The following FAM120A variants were observed in gnomAD, a reference collection of about 807,000 sequenced individuals.
FAM120A encodes the protein constitutive coactivator of PPAR-gamma-like protein 1.
FAM120A carries 15 observed loss-of-function variants against 109.7 expected under a neutral mutation model. That is an observed-to-expected ratio of 0.14 (90% CI 0.09 to 0.21). The LOEUF is 0.21. Among genes scored for constraint, FAM120A ranks in the 10% least tolerant of loss-of-function variants. FAM120A has a pLI of 1.00. For synonymous variants in FAM120A, 493 were observed against 572.8 expected (o/e 0.86, Z 1.99); for missense variants, 899 against 1,439.3 (o/e 0.62, Z 6.07).
intron 10 of FAM120A, among the ~76,000 whole-genome samples, chr9:93,536,224 T>C (rs1004231926): frequency 2.6e-5 from 4 of 152,228 alleles, no homozygotes; most frequent in African/African-American, 9.6e-5. Context: ...ATTATTGGCG[T>C]ACTGGAAGAA....
chr9:93,472,921 T>C (rs1363867518), intron 2 of FAM120A, among the ~76,000 whole-genome samples: 1 of 152,192 alleles, frequency 6.6e-6, no homozygotes, highest in Non-Finnish European at 1.5e-5. Context: ...AAATGGGGAC[T>C]GGGCAGGGAA....
intron 1 of FAM120A, among the ~76,000 whole-genome samples, chr9:93,468,615 A>G (rs761346545): frequency 1.1e-4 from 17 of 152,124 alleles, no homozygotes; most frequent in Non-Finnish European, 2.1e-4. Context: ...AAAGTTTTAC[A>G]TAGTTGGGTA....
At chr9:93,457,267 G>A (rs991382459) in intron 1 of FAM120A, among the ~76,000 whole-genome samples, 2 of 152,140 alleles carry the variant, frequency 1.3e-5, no homozygotes, top group Non-Finnish European at 2.9e-5. Context: ...TCAGAAGTAG[G>A]ATTGCTGGGT....
chr9:93,547,942 T>A (rs10119086), intron 11 of FAM120A, among the ~76,000 whole-genome samples: 132,948 of 152,066 alleles, frequency 0.87, 58,178 homozygotes, highest in East Asian at 0.97. Context: ...CTAAACACTA[T>A]CTCTGTTATA....
chr9:93,510,670 G>A (rs1178726997), intron 5 of FAM120A, among the ~76,000 whole-genome samples: 2 of 151,912 alleles, frequency 1.3e-5, no homozygotes, highest in African/African-American at 4.8e-5. Context: ...TGTAGAAACA[G>A]TCTTGATGTG....
At chr9:93,474,908 C>T (rs528266913) in intron 2 of FAM120A, among the ~76,000 whole-genome samples, 4 of 152,190 alleles carry the variant, frequency 2.6e-5, no homozygotes, top group Non-Finnish European at 5.9e-5. Context: ...CTTCATTCTT[C>T]ACCGTGAAAT....
Position 93,556,553 on chromosome 9 carries a change from C to A in FAM120A, c.2446C>A (p.Arg816=), listed in dbSNP as rs759730206. The part of the protein sequence containing the change: ...LFQSKLLKAS[R]EKTPLIDLCD... ...CCAATCCAAACTCCTCAAAGCCAGCCGGGAAAAGACCCCACTCATTGACCT... is the reference window on the plus strand; with the variant it reads ...CCAATCCAAACTCCTCAAAGCCAGCAGGGAAAAGACCCCACTCATTGACCT... The change falls in exon 13 of 18, where the codon CGG becomes AGG. Residue 816 remains arginine (R), a synonymous_variant. Coordinates refer to ENST00000277165, the MANE Select transcript of FAM120A (RefSeq NM_014612.5). The A allele has an allele frequency of 1.9e-6, 3 of 1,614,138 alleles. No individual in the cohort carries two copies. Among genetic ancestry groups the A allele is most frequent in the Non-Finnish European group, 2.5e-6 (3 of 1,180,008 alleles).
rs770301501 is a variant in FAM120A, at chr9:93,514,911, C to A, written c.1031-756C>A. ...GCCTTCTGTCCCAGCTTCAGGCTGG[C>A]CTGGTTCCATGTCCTGCTGTCCTGC... On this transcript the variant is annotated intron_variant, in intron 5 of 17. Transcript: ENST00000277165. Among the ~76,000 whole-genome samples, 6 of 152,352 alleles carry A rather than the reference C, an allele frequency of 3.9e-5. No individual in the cohort carries two copies. In the East Asian group the frequency reaches 1.2e-3, roughly 29 times the overall value.
chr9:93,532,417 G>C lies in FAM120A; in HGVS notation c.1909+88G>C, dbSNP rs1434461293. On this transcript the variant is annotated intron_variant, in intron 10 of 17. Coordinates refer to ENST00000277165, the MANE Select transcript of FAM120A (RefSeq NM_014612.5). This position sits in a 1 kb window ranked among gnomAD's most constrained non-coding sequence, Gnocchi z 4.3. ...CTAAAGCCTTAGAAGAATCATGACT[G>C]AGTTGACCCCGAGTGCCTCTGTGTA... 2.2e-5 allele frequency: 33 copies of C among 1,484,292 alleles called. No individual in the cohort carries two copies. Among genetic ancestry groups the C allele is most frequent in the Non-Finnish European group, 3.0e-5 (32 of 1,065,226 alleles). The allele number at this position is 1,484,292 out of a possible 1,614,324, so 91.9% of individuals were successfully genotyped here.
Position 93,498,593 on chromosome 9 carries a change from T to C in FAM120A, c.934-197T>C, listed in dbSNP as rs1192352365. Reference sequence around the variant, plus strand: ...AGTTCTGCTCTTGTGACTACATTGCTTTAAAAGAATTCACGTTTGGTTTGA... The same window carrying C: ...AGTTCTGCTCTTGTGACTACATTGCCTTAAAAGAATTCACGTTTGGTTTGA... On this transcript the variant is annotated intron_variant, in intron 4 of 17. Transcript: ENST00000277165. This position sits in a 1 kb window ranked among gnomAD's most constrained non-coding sequence, Gnocchi z 4.4. Among the ~76,000 whole-genome samples the C allele has an allele frequency of 6.6e-6, 1 of 152,260 alleles. No individual in the cohort carries two copies. The highest frequency in any genetic ancestry group is 1.5e-5 in the Non-Finnish European group (1 of 68,042).
At chr9:93,558,821 C>T in intron 15 of FAM120A, 103 bp downstream of exon 15, 3 of 1,347,954 alleles carry the variant, frequency 2.2e-6, no homozygotes, top group Non-Finnish European at 3.0e-6. Context: ...GCCCCTCCTC[C>T]AGCAGAACGG....
Position 93,532,048 on chromosome 9 carries a change from G to A in FAM120A, c.1735-107G>A. 1 of 1,055,276 alleles carries A rather than the reference G, an allele frequency of 9.5e-7. No individual in the cohort carries two copies. The highest frequency in any genetic ancestry group is 1.4e-6 in the Non-Finnish European group (1 of 716,782). The allele number at this position is 1,055,276 out of a possible 1,614,324, so 65.4% of individuals were successfully genotyped here. ...AGTTGTTAAGCAGTTGATTTGGAAT[G>A]GAATTGCAATGTCATTAACTGGAGA... is the stretch of plus-strand genomic sequence containing the variant. On this transcript the variant is annotated intron_variant, in intron 9 of 17. Coordinates refer to ENST00000277165, the MANE Select transcript of FAM120A (RefSeq NM_014612.5). This position sits in a 1 kb window ranked among gnomAD's most constrained non-coding sequence, Gnocchi z 4.3.
At chr9:93,516,316 T>G (rs781164013) in intron 7 of FAM120A, 47 bp downstream of exon 7, 1 of 1,593,242 alleles carries the variant, frequency 6.3e-7, no homozygotes, top group Admixed American at 1.7e-5. Context: ...GGTAGTGACC[T>G]GGGGAAGCTG....
chr9:93,454,006 C>A (rs558944032), intron 1 of FAM120A, among the ~76,000 whole-genome samples: 20 of 152,212 alleles, frequency 1.3e-4, no homozygotes, highest in Non-Finnish European at 2.8e-4. Context: ...TGCATATGGT[C>A]ACTGTATCTT....
intron 10 of FAM120A, among the ~76,000 whole-genome samples, chr9:93,540,860 T>A (rs1019160364): frequency 5.3e-5 from 8 of 152,232 alleles, no homozygotes; most frequent in African/African-American, 1.4e-4. Context: ...AATTTTTTTT[T>A]ATAGAATGAA....
At position 93,565,095 on chromosome 9, in the gene FAM120A, A is replaced by G. The variant is rs1417222701; in HGVS notation, c.*555A>G. The G allele has an allele frequency of 2.0e-5, 3 of 152,636 alleles. No individual in the cohort carries two copies. Among genetic ancestry groups the G allele is most frequent in the African/African-American group, 7.2e-5 (3 of 41,450 alleles). 9.5% of individuals were successfully genotyped at this position (152,636 alleles called of 1,614,324 possible). On this transcript the variant is annotated 3_prime_UTR_variant, in exon 18 of 18. Coordinates refer to ENST00000277165, the MANE Select transcript of FAM120A (RefSeq NM_014612.5). ...TGTGTTAAAAAAAAAAAGTGCAACT[A>G]TCAAAACTAAAAAATTATAGAGTAA...
intron 9 of FAM120A, chr9:93,530,900 A>T (rs1861301248): frequency 6.6e-6 from 1 of 152,230 alleles, no homozygotes; most frequent in African/African-American, 2.4e-5. Flanking sequence ...ACACTGCTGG[A>T]TCTGATGCGT....
At chr9:93,502,553 TAGG>T (rs1266058098) in intron 5 of FAM120A, among the ~76,000 whole-genome samples, 2 of 109,470 alleles carry the variant, frequency 1.8e-5, no homozygotes, top group African/African-American at 6.4e-5. Context: ...GTAGAGTTCT[TAGG>T]AGGACACATA....
chr9:93,495,149 G>A (rs10992758), intron 3 of FAM120A, among the ~76,000 whole-genome samples: 3,389 of 152,294 alleles, frequency 0.022, 122 homozygotes, highest in African/African-American at 0.076. Flanking sequence ...AGGGTTTGCC[G>A]CCACTTGCCA....
Sources: allele counts gnomAD v4.1 joint callset (sites outside exome capture counted in the v4.1 genomes callset), GRCh38; gene constraint gnomAD v4.1.1; non-coding constraint Gnocchi (gnomAD v3.1); transcripts MANE v1.5; gene names NCBI Gene and HGNC (gene_info 2026-07-23, HGNC 2026-07-21).